The following EHHADH variants were observed in gnomAD, a reference collection of about 807,000 sequenced individuals.
EHHADH encodes the protein enoyl-CoA hydratase and 3-hydroxyacyl CoA dehydrogenase.
In EHHADH, 48 loss-of-function variants were observed where a neutral mutation model predicts 64.4. The observed-to-expected ratio is 0.75, with a 90% CI of 0.59 to 0.95. EHHADH has a LOEUF of 0.95. EHHADH is among the 40% of genes least tolerant of loss of function. The probability of loss-of-function intolerance (pLI) is 0.00; values close to 1 mark genes in which losing one functional copy is unlikely to be tolerated. For missense variants in EHHADH, 854 were observed against 876.6 expected, an observed-to-expected ratio of 0.97 and a Z score of 0.33; for synonymous variants, 308 against 326.7, an observed-to-expected ratio of 0.94 and a Z score of 0.62.
intron 2 of EHHADH, 70 bp downstream of exon 2, chr3:185,248,343 GC>G: frequency 9.3e-7 from 1 of 1,079,746 alleles, no homozygotes; most frequent in Non-Finnish European, 1.4e-6. Flanking sequence ...AACAAGCACA[GC>G]TAATGCAGTA....
chr3:185,220,050 C>T (rs1381940601), intron 4 of EHHADH, among the ~76,000 whole-genome samples: 2 of 152,106 alleles, frequency 1.3e-5, no homozygotes, highest in Non-Finnish European at 2.9e-5. Context: ...GAGAGTGAAT[C>T]AGCCTACCCA....
Position 185,252,776 on chromosome 3 carries a change from G to A in EHHADH, c.74+1173C>T, listed in dbSNP as rs994467963. 5.9e-5 allele frequency among the ~76,000 whole-genome samples: 9 copies of A among 152,156 alleles called. No homozygotes were observed. In the East Asian group the frequency reaches 1.7e-3, roughly 29 times the overall value. On this transcript the variant is annotated intron_variant, in intron 1 of 6. Transcript: ENST00000231887. The stretch of plus-strand genomic sequence containing the variant: ...TTTTAAATTCTATTAAAATTAGCAG[G>A]TCTTCTCATTTCAGTCTCTTTGCTT...
chr3:185,236,708 T>C (rs1719305879), intron 2 of EHHADH, among the ~76,000 whole-genome samples: 1 of 152,170 alleles, frequency 6.6e-6, no homozygotes, highest in African/African-American at 2.4e-5. Context: ...TATATTTCAC[T>C]CTCTAGTCCA....
At chr3:185,207,412 A>G (rs950489517) in intron 5 of EHHADH, among the ~76,000 whole-genome samples, 1 of 152,230 alleles carries the variant, frequency 6.6e-6, no homozygotes, top group Non-Finnish European at 1.5e-5. Context: ...GGGGGATTCA[A>G]CAAGGAAGAA....
At chr3:185,222,319 G>A (rs1718859724) in intron 4 of EHHADH, among the ~76,000 whole-genome samples, 1 of 152,092 alleles carries the variant, frequency 6.6e-6, no homozygotes, top group South Asian at 2.1e-4. Flanking sequence ...GGAGGCGGAG[G>A]CTGCAGTGAG....
At chr3:185,234,343 T>A (rs2108646418) in intron 3 of EHHADH, among the ~76,000 whole-genome samples, 1 of 152,290 alleles carries the variant, frequency 6.6e-6, no homozygotes, top group East Asian at 1.9e-4. Context: ...GAAACAGAAA[T>A]CTTTGAGTTA....
chr3:185,198,098 C>A (rs531756928), intron 6 of EHHADH, among the ~76,000 whole-genome samples: 58 of 152,176 alleles, frequency 3.8e-4, no homozygotes, highest in Admixed American at 1.2e-3. Context: ...TGCCTGGCCC[C>A]TGCTTTCAAT....
At position 185,229,443 on chromosome 3, in the gene EHHADH, A is replaced by G; in HGVS notation, c.452T>C (p.Leu151Ser). 6.5e-7 allele frequency: 1 copy of G among 1,536,816 alleles called. No individual in the cohort carries two copies. Among genetic ancestry groups the G allele is most frequent in the South Asian group, 1.3e-5 (1 of 75,216 alleles). Residue 151 changes from leucine (L) to serine (S), a missense_variant, in exon 4 of 7, where the codon TTA (leucine) becomes TCA (serine). By Grantham distance (145) the Leu-to-Ser change is moderately radical. Transcript: ENST00000231887. ...RLTGVPAALD[L>S]ITSGRRILAD... Reference sequence around the variant, plus strand: ...AGGTCTATACTGACCTGAGGTAATTAAGTCAAGTGCAGCAGGAACTCCAGT... The same window carrying G: ...AGGTCTATACTGACCTGAGGTAATTGAGTCAAGTGCAGCAGGAACTCCAGT...
At chr3:185,221,875 G>A (rs1022744954) in intron 4 of EHHADH, among the ~76,000 whole-genome samples, 28 of 151,492 alleles carry the variant, frequency 1.8e-4, no homozygotes, top group African/African-American at 6.0e-4. Flanking sequence ...TGCCCGGCCC[G>A]CCTCACATTA....
intron 1 of EHHADH, among the ~76,000 whole-genome samples, chr3:185,249,136 C>G (rs1719675419): frequency 6.7e-6 from 1 of 148,520 alleles, no homozygotes; most frequent in Non-Finnish European, 1.5e-5. Flanking sequence ...TGGTTTGGCT[C>G]TTTTTTTTTT....
chr3:185,204,278 T>C (rs1718317451), intron 6 of EHHADH, 138 bp downstream of exon 6: 1 of 728,630 alleles, frequency 1.4e-6, no homozygotes. Flanking sequence ...AGAGAGCTCA[T>C]GGGGTGGTGT....
chr3:185,246,235 C>T lies in EHHADH; in HGVS notation c.178+2179G>A, dbSNP rs1435930622. 4 of 903,228 alleles carry T rather than the reference C, an allele frequency of 4.4e-6. No homozygotes were observed. The African/African-American group carries it at 6.7e-5, about 15-fold the overall frequency. The allele number at this position is 903,228 out of a possible 1,614,324, so 56.0% of individuals were successfully genotyped here. On this transcript the variant is annotated intron_variant, in intron 2 of 6. Coordinates refer to ENST00000231887, the MANE Select transcript of EHHADH (RefSeq NM_001966.4). ...TTTTGATTAAAGAAGTTCAAGTCAT[C>T]TAGATCATCAGAAGCATCGTTTTTC...
intron 4 of EHHADH, 45 bp from the exon 5 acceptor site, chr3:185,218,285 G>T (rs781694865): frequency 7.0e-7 from 1 of 1,437,340 alleles, no homozygotes; most frequent in South Asian, 1.2e-5. Flanking sequence ...AAAGAGCGAT[G>T]TAAGATTAAA....
At chr3:185,226,289 A>G (rs1035037948) in intron 4 of EHHADH, among the ~76,000 whole-genome samples, 1 of 152,250 alleles carries the variant, frequency 6.6e-6, no homozygotes, top group Non-Finnish European at 1.5e-5. Context: ...CCCCGTACAT[A>G]GGAAAGGAAG....
chr3:185,218,607 T>C (rs1718755300), intron 4 of EHHADH, among the ~76,000 whole-genome samples: 1 of 152,198 alleles, frequency 6.6e-6, no homozygotes, highest in Non-Finnish European at 1.5e-5. Context: ...CTTTATGAAC[T>C]ACAGATCTCT....
rs774700662 is a variant in EHHADH at position 185,192,564 on chromosome 3, G to A, written c.1834C>T (p.Arg612Cys). 1.5e-5 allele frequency: 24 copies of A among 1,614,068 alleles called. No homozygotes were observed. Among genetic ancestry groups the A allele is most frequent in the South Asian group, 1.1e-4 (10 of 91,088 alleles). Reference sequence around the variant, plus strand: ...AGGATCTCATCCTGGCTAATGGTACGTGGTTCAATGTGATGGGTTTTTCTA... The same window carrying A: ...AGGATCTCATCCTGGCTAATGGTACATGGTTCAATGTGATGGGTTTTTCTA... Reference protein sequence around the residue: ...RYRKTHHIEPRTISQDEILER... With the variant: ...RYRKTHHIEPCTISQDEILER... The change falls in exon 7 of 7, where the codon CGT (arginine) becomes TGT (cysteine). Residue 612 changes from arginine (R) to cysteine (C), a missense_variant. Arg to Cys is a radical substitution (Grantham distance 180). Transcript: ENST00000231887.
At chr3:185,249,253 T>C (rs187359622) in intron 1 of EHHADH, among the ~76,000 whole-genome samples, 314 of 152,148 alleles carry the variant, frequency 2.1e-3, no homozygotes, top group African/African-American at 7.4e-3. Flanking sequence ...CTCAGCCTCC[T>C]GAGTAGCTGG....
intron 2 of EHHADH, among the ~76,000 whole-genome samples, chr3:185,237,605 C>T (rs928854458): frequency 2.0e-5 from 3 of 152,092 alleles, no homozygotes; most frequent in Non-Finnish European, 2.9e-5. Flanking sequence ...TTCTACATCT[C>T]GACATAATCA....
intron 4 of EHHADH, among the ~76,000 whole-genome samples, chr3:185,224,755 T>C (rs1380751507): frequency 1.3e-5 from 2 of 152,312 alleles, no homozygotes; most frequent in East Asian, 3.9e-4. Flanking sequence ...TTTCCACTTC[T>C]AGAAGCTGCT....
Sources: allele counts gnomAD v4.1 joint callset (sites outside exome capture counted in the v4.1 genomes callset), GRCh38; gene constraint gnomAD v4.1.1; transcripts MANE v1.5; gene names NCBI Gene and HGNC (gene_info 2026-07-23, HGNC 2026-07-21).